Variants in ABCC4 observed in about 807,000 individuals in gnomAD.
The protein encoded by ABCC4 is ATP-binding cassette sub-family C member 4.
In ABCC4, 102 loss-of-function variants were observed where a neutral mutation model predicts 168.5. That is an observed-to-expected ratio of 0.61 (90% CI 0.52 to 0.71). The LOEUF (loss-of-function observed/expected upper bound fraction) is 0.71. Ranked by LOEUF, ABCC4 falls within the 30% of genes least tolerant of loss-of-function variation. ABCC4 has a pLI of 0.00. For synonymous variants in ABCC4, 617 were observed against 590.7 expected (o/e 1.04, Z -0.65); for missense variants, 1,402 against 1,605.8 (o/e 0.87, Z 2.17).
intron 4 of ABCC4, among the ~76,000 whole-genome samples, chr13:95,228,693 G>A (rs2039536060): frequency 6.6e-6 from 1 of 151,938 alleles, no homozygotes; most frequent in Non-Finnish European, 1.5e-5. Flanking sequence ...GAACCCGGGA[G>A]GCGGAGGTTG....
chr13:95,192,226 CTCTG>C (rs1305205873), intron 9 of ABCC4, among the ~76,000 whole-genome samples: 1 of 152,186 alleles, frequency 6.6e-6, no homozygotes, highest in Non-Finnish European at 1.5e-5. Flanking sequence ...CTGCTGGGGT[CTCTG>C]TCTTTCTCCG....
chr13:95,242,363 G>T (rs1305769953), intron 3 of ABCC4, among the ~76,000 whole-genome samples: 1 of 151,808 alleles, frequency 6.6e-6, no homozygotes, highest in Non-Finnish European at 1.5e-5. Context: ...GAGTAGCTGG[G>T]ATTACAGGCG....
chr13:95,108,252 C>T (rs944646131), intron 20 of ABCC4, among the ~76,000 whole-genome samples: 1 of 152,116 alleles, frequency 6.6e-6, no homozygotes, highest in Non-Finnish European at 1.5e-5. Context: ...ATCATAGGCT[C>T]ATATTAAATG....
At chr13:95,257,763 G>A (rs17268268) in intron 1 of ABCC4, among the ~76,000 whole-genome samples, 6,388 of 152,172 alleles carry the variant, frequency 0.042, 202 homozygotes, top group Admixed American at 0.072. Context: ...GTGCTTCACT[G>A]GGGTCAAAGA....
intron 30 of ABCC4, among the ~76,000 whole-genome samples, chr13:95,033,804 G>C (rs1004376297): frequency 6.6e-6 from 1 of 152,050 alleles, no homozygotes. Flanking sequence ...TGGGGTTACA[G>C]GCATGTGCTA....
Position 95,218,961 on chromosome 13 carries a change from GA to G in ABCC4, c.532-8181del, listed in dbSNP as rs1366017414. On this transcript the variant is annotated intron_variant, in intron 4 of 30. Coordinates refer to ENST00000645237, the MANE Select transcript of ABCC4 (RefSeq NM_005845.5). ...AGAAAGAAAGAAAGAAAGAAAGAAAGAAAGAAAGAAAGAAAGAAAGAAAGAG... is the reference window on the plus strand; with the variant it reads ...AGAAAGAAAGAAAGAAAGAAAGAAAGAAGAAAGAAAGAAAGAAAGAAAGAG... Among the ~76,000 whole-genome samples the G allele has an allele frequency of 1.1e-4, 4 of 36,022 alleles. No homozygotes were observed. In the East Asian group the frequency reaches 1.7e-3, roughly 16 times the overall value. The allele number at this position is 36,022 out of a possible 152,430, so 23.6% of individuals were successfully genotyped here.
At chr13:95,254,822 GT>G (rs1157860389) in intron 1 of ABCC4, among the ~76,000 whole-genome samples, 29 of 151,916 alleles carry the variant, frequency 1.9e-4, no homozygotes, top group African/African-American at 7.0e-4. Context: ...TTGAAATCAT[GT>G]TTTCCCCTGG....
chr13:95,288,921 T>C (rs887252881), intron 1 of ABCC4, among the ~76,000 whole-genome samples: 10 of 152,238 alleles, frequency 6.6e-5, no homozygotes, highest in Non-Finnish European at 1.3e-4. Context: ...TGTCGCTTAA[T>C]CAACTTAGAA....
chr13:95,113,806 T>C (rs2035283802), intron 20 of ABCC4, among the ~76,000 whole-genome samples: 1 of 152,228 alleles, frequency 6.6e-6, no homozygotes, highest in African/African-American at 2.4e-5. Context: ...CTGCATTGTT[T>C]ACCACGTTTC....
At chr13:95,161,406 G>T in intron 18 of ABCC4, 71 bp from the exon 19 acceptor site, 1 of 1,260,080 alleles carries the variant, frequency 7.9e-7, no homozygotes. Flanking sequence ...GCTAAAGCAA[G>T]CCAGGTAGTT....
At chr13:95,215,357 C>T (rs892415216) in intron 4 of ABCC4, among the ~76,000 whole-genome samples, 7 of 152,050 alleles carry the variant, frequency 4.6e-5, no homozygotes, top group Non-Finnish European at 8.8e-5. Flanking sequence ...GCCAAGATCA[C>T]ACCACTCCAC....
chr13:95,151,304 T>C (rs2036665935), intron 19 of ABCC4, among the ~76,000 whole-genome samples: 1 of 151,846 alleles, frequency 6.6e-6, no homozygotes, highest in African/African-American at 2.4e-5. Context: ...GGTGAAACTC[T>C]GTCTCTACTA....
chr13:95,110,661 T>C (rs147637156), intron 20 of ABCC4, among the ~76,000 whole-genome samples: 5 of 152,108 alleles, frequency 3.3e-5, no homozygotes, highest in Admixed American at 3.3e-4. Flanking sequence ...TTGGTGCTGA[T>C]ATTAGGAAGT....
At chr13:95,291,085 G>A (rs535848976) in intron 1 of ABCC4, among the ~76,000 whole-genome samples, 3 of 151,910 alleles carry the variant, frequency 2.0e-5, no homozygotes, top group East Asian at 3.9e-4. Context: ...TGGGCATGAC[G>A]GTTCACACCT....
In ABCC4 at chr13:95,207,802, T is replaced by C; in HGVS notation, c.909A>G (p.Arg303=). Residue 303 remains arginine, a splice_region_variant and synonymous_variant, in exon 7 of 31, where the codon AGA becomes AGG. Coordinates refer to ENST00000645237, the MANE Select transcript of ABCC4 (RefSeq NM_005845.5). ...KSFSNLITNL[R]KKEISKILRS... is the part of the protein sequence containing the mutation. ...GTACAATGTATACAAAAACTTACTT[T>C]CTCAAATTGGTAATAAGATTTGAAA... The C allele has an allele frequency of 6.2e-7, 1 of 1,611,204 alleles. No individual in the cohort carries two copies. Among genetic ancestry groups the C allele is most frequent in the Non-Finnish European group, 8.5e-7 (1 of 1,178,924 alleles).
chr13:95,063,725 C>T (rs947151947), intron 25 of ABCC4, among the ~76,000 whole-genome samples: 7 of 152,294 alleles, frequency 4.6e-5, no homozygotes, highest in African/African-American at 1.2e-4. Context: ...ACTGCCAATA[C>T]GATCAAAGAA....
intron 20 of ABCC4, among the ~76,000 whole-genome samples, chr13:95,090,961 A>C (rs565212677): frequency 6.6e-6 from 1 of 151,230 alleles, no homozygotes; most frequent in Non-Finnish European, 1.5e-5. Flanking sequence ...CATTGGACAC[A>C]CTTACAGAAA....
chr13:95,049,071 C>T (rs1234542830), intron 27 of ABCC4, among the ~76,000 whole-genome samples: 4 of 152,176 alleles, frequency 2.6e-5, no homozygotes, highest in Non-Finnish European at 5.9e-5. Context: ...TGGTGGCTCA[C>T]GCCTGTAATC....
chr13:95,138,149 T>C (rs1391128868), intron 19 of ABCC4, among the ~76,000 whole-genome samples: 1 of 152,210 alleles, frequency 6.6e-6, no homozygotes, highest in South Asian at 2.1e-4. Context: ...CGTTACACTT[T>C]ACCAATTAAA....
Sources: allele counts gnomAD v4.1 joint callset (sites outside exome capture counted in the v4.1 genomes callset), GRCh38; gene constraint gnomAD v4.1.1; transcripts MANE v1.5; gene names NCBI Gene and HGNC (gene_info 2026-07-23, HGNC 2026-07-21).